The following CLVS1 variants were observed in gnomAD, a reference collection of about 807,000 sequenced individuals.
CLVS1 encodes clavesin 1.
A neutral mutation model predicts 33.1 loss-of-function variants in CLVS1; 10 were observed. That is an observed-to-expected ratio of 0.30 (90% CI 0.19 to 0.51). The LOEUF is 0.51. Among genes scored for constraint, CLVS1 ranks in the 20% least tolerant of loss-of-function variants. The pLI is 0.97. For synonymous variants in CLVS1, 163 were observed against 166.1 expected (o/e 0.98, Z 0.14); for missense variants, 343 against 433.4 (o/e 0.79, Z 1.85).
chr8:61,263,442 C>T (rs527453548), intron 2 of CLVS1, among the ~76,000 whole-genome samples: 1 of 152,246 alleles, frequency 6.6e-6, no homozygotes, highest in East Asian at 1.9e-4. Flanking sequence ...AATGAAGCCC[C>T]ACTGGGTAGC....
chr8:61,446,201 C>T (rs1056390968), intron 3 of CLVS1, among the ~76,000 whole-genome samples: 1 of 151,722 alleles, frequency 6.6e-6, no homozygotes, highest in Non-Finnish European at 1.5e-5. Context: ...CTTACTTTGG[C>T]TTTATTTTGC....
intron 2 of CLVS1, among the ~76,000 whole-genome samples, chr8:61,281,250 T>A (rs887694447): frequency 1.3e-5 from 2 of 152,082 alleles, no homozygotes; most frequent in Non-Finnish European, 2.9e-5. Context: ...ACCTAAAGGG[T>A]AGGGAAACAC....
chr8:61,294,615 G>A (rs1810123751), intron 1 of CLVS1, among the ~76,000 whole-genome samples: 1 of 152,018 alleles, frequency 6.6e-6, no homozygotes, highest in Non-Finnish European at 1.5e-5. Context: ...GTCTATTGCA[G>A]GATCCCTGTA....
the CLVS1 span, among the ~76,000 whole-genome samples, chr8:60,999,542 G>A: frequency 6.6e-6 from 1 of 152,174 alleles, no homozygotes; most frequent in Non-Finnish European, 1.5e-5. Flanking sequence ...AGGATATTGT[G>A]AGAATTAAAT....
At chr8:61,159,273 C>T (rs1806708998) in intron 2 of CLVS1, among the ~76,000 whole-genome samples, 1 of 152,192 alleles carries the variant, frequency 6.6e-6, no homozygotes, top group Admixed American at 6.5e-5. Context: ...TTGTTGAATG[C>T]ATGTTCTTCT....
At chr8:61,218,967 A>C (rs1808151847) in intron 2 of CLVS1, among the ~76,000 whole-genome samples, 1 of 152,042 alleles carries the variant, frequency 6.6e-6, no homozygotes, top group Non-Finnish European at 1.5e-5. Context: ...ACAAGAGGAA[A>C]CAACTGAGCT....
chr8:61,036,001 C>T, the CLVS1 span, among the ~76,000 whole-genome samples: 8 of 152,128 alleles, frequency 5.3e-5, no homozygotes, highest in African/African-American at 1.9e-4. Flanking sequence ...TTTCCTATAG[C>T]TTCTTTCTCC....
At chr8:61,202,115 G>C (rs567820146) in intron 2 of CLVS1, among the ~76,000 whole-genome samples, 1 of 152,354 alleles carries the variant, frequency 6.6e-6, no homozygotes, top group Non-Finnish European at 1.5e-5. Context: ...TTTAAATAAG[G>C]AAGAGGAACA....
intron 2 of CLVS1, among the ~76,000 whole-genome samples, chr8:61,256,142 G>A (rs1585726760): frequency 6.6e-6 from 1 of 152,074 alleles, no homozygotes; most frequent in African/African-American, 2.4e-5. Context: ...CTAGCCCCTA[G>A]TAACCACCAT....
chr8:61,232,023 G>GTTTT (rs1158042227), intron 2 of CLVS1, among the ~76,000 whole-genome samples: 17 of 62,648 alleles, frequency 2.7e-4, no homozygotes, highest in Non-Finnish European at 4.7e-4. Flanking sequence ...GAAAGTTGTG[G>GTTTT]TTTTTTTTTT....
the CLVS1 span, among the ~76,000 whole-genome samples, chr8:61,034,946 G>A: frequency 6.6e-6 from 1 of 152,120 alleles, no homozygotes; most frequent in East Asian, 1.9e-4. Flanking sequence ...ATTCACAACT[G>A]GGGCCTAATC....
chr8:61,338,634 A>G (rs1811891352), intron 2 of CLVS1, among the ~76,000 whole-genome samples: 1 of 152,202 alleles, frequency 6.6e-6, no homozygotes, highest in Admixed American at 6.5e-5. Context: ...CATTCCAAAA[A>G]TCATGCTCCT....
At chr8:61,308,161 C>T (rs1024077588) in intron 2 of CLVS1, among the ~76,000 whole-genome samples, 2 of 152,188 alleles carry the variant, frequency 1.3e-5, no homozygotes, top group African/African-American at 4.8e-5. Context: ...TTATGGTCCT[C>T]AAGCATTTCC....
At chr8:61,265,208 C>T (rs1359778167) in intron 2 of CLVS1, among the ~76,000 whole-genome samples, 1 of 152,166 alleles carries the variant, frequency 6.6e-6, no homozygotes, top group African/African-American at 2.4e-5. Context: ...AATCTACTTC[C>T]CATCAAGGCT....
chr8:61,320,009 A>G (rs1473969647), intron 2 of CLVS1, among the ~76,000 whole-genome samples: 1 of 151,958 alleles, frequency 6.6e-6, no homozygotes, highest in East Asian at 1.9e-4. Flanking sequence ...ATTTTTATCA[A>G]TTTCTCGGTA....
intron 2 of CLVS1, among the ~76,000 whole-genome samples, chr8:61,195,609 A>T (rs908823257): frequency 1.3e-5 from 2 of 152,142 alleles, no homozygotes; most frequent in South Asian, 4.1e-4. Context: ...GCCATATCAT[A>T]AAAAAATTAG....
intron 2 of CLVS1, among the ~76,000 whole-genome samples, chr8:61,246,166 A>AATTTTTTT (rs1808803030): frequency 1.2e-5 from 1 of 82,424 alleles, no homozygotes; most frequent in Non-Finnish European, 2.7e-5. Context: ...TTCCTTCCCA[A>AATTTTTTT]CTTTTTTTTT....
At chr8:61,232,596 T>C (rs1458512402) in intron 2 of CLVS1, among the ~76,000 whole-genome samples, 13 of 152,222 alleles carry the variant, frequency 8.5e-5, no homozygotes, top group Admixed American at 8.5e-4. Flanking sequence ...CAGATCTGCA[T>C]GTGGTGATGT....
intron 1 of CLVS1, among the ~76,000 whole-genome samples, chr8:61,063,023 G>A (rs1458363810): frequency 1.3e-5 from 2 of 151,970 alleles, no homozygotes; most frequent in South Asian, 2.1e-4. Context: ...CTATGACATC[G>A]AAACTATTAT....
Sources: gnomAD v4.1 joint callset for allele counts (sites outside exome capture counted in the v4.1 genomes callset) on GRCh38, gnomAD v4.1.1 for gene constraint, MANE v1.5 for transcripts, NCBI Gene and HGNC (gene_info 2026-07-23, HGNC 2026-07-21) for gene names.